The following UBE2QL1 variants were observed in gnomAD, a reference collection of about 807,000 sequenced individuals.
UBE2QL1 encodes ubiquitin-conjugating enzyme E2Q-like protein 1.
Under a neutral mutation model 12.6 loss-of-function variants are expected in UBE2QL1, and 5 were observed. That is an observed-to-expected ratio of 0.40 (90% CI 0.21 to 0.83). UBE2QL1 has a LOEUF of 0.83. Among genes scored for constraint, UBE2QL1 ranks in the 40% least tolerant of loss-of-function variants. The probability of loss-of-function intolerance (pLI) is 0.37; values close to 1 mark genes in which losing one functional copy is unlikely to be tolerated. For synonymous variants in UBE2QL1, 96 were observed against 94.5 expected, an observed-to-expected ratio of 1.02 and a Z score of -0.10; for missense variants, 99 against 222.6, an observed-to-expected ratio of 0.44 and a Z score of 3.53.
At chr5:6,456,600 C>G (rs1361661510) in intron 1 of UBE2QL1, among the ~76,000 whole-genome samples, 1 of 152,324 alleles carries the variant, frequency 6.6e-6, no homozygotes, top group East Asian at 1.9e-4. Context: ...TTACACACAT[C>G]ATTCATTCAT....
In UBE2QL1 at chr5:6,474,897, G is replaced by T. The variant is rs533625077; in HGVS notation, c.355-16321G>T. ...ATCCCACCTCCAGCACCTGACAGCT[G>T]CATGGCATTGTGCAGTTTACATCTG... is the stretch of plus-strand genomic sequence containing the variant. On this transcript the variant is annotated intron_variant, in intron 1 of 1. Transcript: ENST00000399816. 5.9e-5 allele frequency among the ~76,000 whole-genome samples: 9 copies of T among 152,324 alleles called. No homozygotes were observed. In the East Asian group the frequency reaches 1.7e-3, roughly 29 times the overall value.
intron 1 of UBE2QL1, among the ~76,000 whole-genome samples, chr5:6,475,571 T>G (rs1440448849): frequency 2.0e-5 from 3 of 152,176 alleles, no homozygotes; most frequent in Non-Finnish European, 4.4e-5. Flanking sequence ...CTTCGGTCCA[T>G]TCCTTTTATC....
intron 1 of UBE2QL1, among the ~76,000 whole-genome samples, chr5:6,472,134 G>T (rs1739924613): frequency 1.3e-5 from 2 of 152,168 alleles, no homozygotes; most frequent in Admixed American, 6.5e-5. Context: ...CAGAACTTGG[G>T]CTGGTGGGCC....
intron 1 of UBE2QL1, among the ~76,000 whole-genome samples, chr5:6,488,108 G>A (rs1159559598): frequency 6.6e-6 from 1 of 152,252 alleles, no homozygotes; most frequent in Non-Finnish European, 1.5e-5. Context: ...TTATCACAGT[G>A]TAGTGCAATA....
intron 1 of UBE2QL1, among the ~76,000 whole-genome samples, chr5:6,489,306 C>T (rs1734521355): frequency 2.0e-5 from 3 of 151,640 alleles, no homozygotes; most frequent in Middle Eastern, 3.2e-3. Flanking sequence ...CACCTGTAGT[C>T]CTAGGTACTC....
Position 6,492,815 on chromosome 5 carries a change from G to A in UBE2QL1, c.*1466G>A, listed in dbSNP as rs533054174. 1.3e-5 allele frequency: 2 copies of A among 152,360 alleles called. No homozygotes were observed. 9.4% of individuals were successfully genotyped at this position (152,360 alleles called of 1,614,324 possible). A position where few individuals can be genotyped will look rare whatever the true frequency, so the allele number is the denominator to read the frequency against. ...AGCCAAGGAGCTGAAGGGATGATTC[G>A]ATCAAGTTCAGATGTTGCCAATTGT... On this transcript the variant is annotated 3_prime_UTR_variant, in exon 2 of 2. Transcript: ENST00000399816.
In UBE2QL1 at chr5:6,494,263, C is replaced by G. The variant is rs1734628137; in HGVS notation, c.*2914C>G. ...TCTAGAAGACTGAGAACTGCTTATG[C>G]CTTAGGGAGTTCTATGTGAGCAGCA... is the stretch of plus-strand genomic sequence containing the variant. On this transcript the variant is annotated 3_prime_UTR_variant, in exon 2 of 2. Coordinates refer to ENST00000399816, the MANE Select transcript of UBE2QL1 (RefSeq NM_001145161.3). The G allele has an allele frequency of 6.6e-6, 1 of 152,176 alleles. No individual in the cohort carries two copies. The highest frequency in any genetic ancestry group is 1.5e-5 in the Non-Finnish European group (1 of 68,038). The allele number at this position is 152,176 out of a possible 1,614,324, so 9.4% of individuals were successfully genotyped here.
Position 6,495,076 on chromosome 5 carries a change from GGGCA to G in UBE2QL1, c.*3730_*3733del, listed in dbSNP as rs1254703397. 6.6e-6 allele frequency among the ~76,000 whole-genome samples: 1 copy of G among 152,164 alleles called. No individual in the cohort carries two copies. Among genetic ancestry groups the G allele is most frequent in the East Asian group, 1.9e-4 (1 of 5,182 alleles). The stretch of plus-strand genomic sequence containing the variant: ...CATGGCTGGGCAAAGGGAAGGAGAA[GGGCA>G]GGTGTAGCAGGTGTAGAAATGGGAG... On this transcript the variant is annotated 3_prime_UTR_variant, in exon 2 of 2. Transcript: ENST00000399816.
At chr5:6,471,646 T>C (rs988292319) in intron 1 of UBE2QL1, among the ~76,000 whole-genome samples, 3 of 152,216 alleles carry the variant, frequency 2.0e-5, no homozygotes, top group African/African-American at 7.2e-5. Context: ...TCCGCCATCC[T>C]CTGTGCAATA....
In UBE2QL1 at chr5:6,478,853, G is replaced by A. The variant is rs1276993446; in HGVS notation, c.355-12365G>A. ...TAGGACGTGCAGATGCATTCTGTCA[G>A]GAAACAGGCAAAAGGCAGGAGACAT... On this transcript the variant is annotated intron_variant, in intron 1 of 1. Transcript: ENST00000399816. The surrounding 1 kb of genome is among the most constrained non-coding windows in gnomAD (Gnocchi z 4.5). Among the ~76,000 whole-genome samples, 1 of 152,090 alleles carries A rather than the reference G, an allele frequency of 6.6e-6. No homozygotes were observed. Among genetic ancestry groups the A allele is most frequent in the African/African-American group, 2.4e-5 (1 of 41,418 alleles).
intron 1 of UBE2QL1, among the ~76,000 whole-genome samples, chr5:6,454,986 C>T (rs1739488692): frequency 6.6e-6 from 1 of 152,208 alleles, no homozygotes; most frequent in African/African-American, 2.4e-5. Flanking sequence ...TAGCCCCACA[C>T]CCGCTTGGAG....
intron 1 of UBE2QL1, among the ~76,000 whole-genome samples, chr5:6,458,869 T>C (rs918027094): frequency 6.6e-6 from 1 of 152,206 alleles, no homozygotes; most frequent in African/African-American, 2.4e-5. Context: ...AAATGAATCA[T>C]AATGTATTTA....
chr5:6,459,063 C>T (rs897017574), intron 1 of UBE2QL1, among the ~76,000 whole-genome samples: 2 of 152,072 alleles, frequency 1.3e-5, no homozygotes, highest in Non-Finnish European at 2.9e-5. Context: ...GGGGAAGTGC[C>T]TTCATCCAAT....
intron 1 of UBE2QL1, among the ~76,000 whole-genome samples, chr5:6,456,873 G>A (rs1295062089): frequency 6.6e-6 from 1 of 152,022 alleles, no homozygotes; most frequent in African/African-American, 2.4e-5. Flanking sequence ...CCCTTACCTG[G>A]CCAGCAGGGC....
At position 6,495,258 on chromosome 5, in the gene UBE2QL1, C is replaced by T. The variant is rs1321678856; in HGVS notation, c.*3909C>T. The stretch of plus-strand genomic sequence containing the variant: ...ACACGGTCCCACCTGACAGCCTAGC[C>T]TGGCGTGTGGAGCTTGCCCTGTGTG... On this transcript the variant is annotated 3_prime_UTR_variant, in exon 2 of 2. Transcript: ENST00000399816. Among the ~76,000 whole-genome samples, 1 of 152,208 alleles carries T rather than the reference C, an allele frequency of 6.6e-6. No individual in the cohort carries two copies. Among genetic ancestry groups the T allele is most frequent in the Non-Finnish European group, 1.5e-5 (1 of 68,040 alleles).
chr5:6,474,719 G>T (rs1039324110), intron 1 of UBE2QL1, among the ~76,000 whole-genome samples: 13 of 152,198 alleles, frequency 8.5e-5, no homozygotes, highest in African/African-American at 3.1e-4. Context: ...TCATTCCTCA[G>T]TAAATAAGCT....
chr5:6,493,759 G>A lies in UBE2QL1; in HGVS notation c.*2410G>A, dbSNP rs932954476. The A allele has an allele frequency of 3.3e-5, 5 of 152,188 alleles. No individual in the cohort carries two copies. The highest frequency in any genetic ancestry group is 1.9e-4 in the East Asian group (1 of 5,192). 9.4% of individuals were successfully genotyped at this position (152,188 alleles called of 1,614,324 possible). A position where few individuals can be genotyped will look rare whatever the true frequency, so the allele number is the denominator to read the frequency against. Reference sequence around the variant, plus strand: ...CCATTGCTTGGACTGTTAGGAGTGCGGACTCCCTTTCTGGTAGACTCCCTT... The same window carrying A: ...CCATTGCTTGGACTGTTAGGAGTGCAGACTCCCTTTCTGGTAGACTCCCTT... On this transcript the variant is annotated 3_prime_UTR_variant, in exon 2 of 2. Coordinates refer to ENST00000399816, the MANE Select transcript of UBE2QL1 (RefSeq NM_001145161.3).
chr5:6,481,303 A>T lies in UBE2QL1; in HGVS notation c.355-9915A>T, dbSNP rs949635706. On this transcript the variant is annotated intron_variant, in intron 1 of 1. Transcript: ENST00000399816. This position sits in a 1 kb window ranked among gnomAD's most constrained non-coding sequence, Gnocchi z 4.5. The stretch of plus-strand genomic sequence containing the variant: ...CTCTCTGCAGGCCTGGCCCCGGGTC[A>T]CTTGGCATGGTGGCCCACCACCTCC... Among the ~76,000 whole-genome samples, 3 of 152,192 alleles carry T rather than the reference A, an allele frequency of 2.0e-5. No individual in the cohort carries two copies. Among genetic ancestry groups the T allele is most frequent in the African/African-American group, 4.8e-5 (2 of 41,444 alleles).
intron 1 of UBE2QL1, among the ~76,000 whole-genome samples, chr5:6,463,598 G>GTTGTTGTTATTATTA (rs1553988055): frequency 7.3e-6 from 1 of 137,308 alleles, no homozygotes; most frequent in African/African-American, 2.7e-5. Flanking sequence ...TATTTGTGCT[G>GTTGTTGTTATTATTA]TTATTATTAT....
Sources: allele counts gnomAD v4.1 joint callset (sites outside exome capture counted in the v4.1 genomes callset), GRCh38; gene constraint gnomAD v4.1.1; non-coding constraint Gnocchi (gnomAD v3.1); transcripts MANE v1.5; gene names NCBI Gene and HGNC (gene_info 2026-07-23, HGNC 2026-07-21).